Variants in IFT80 observed in about 807,000 individuals in gnomAD.
IFT80 encodes intraflagellar transport 80, also known as intraflagellar transport protein 80 homolog.
A neutral mutation model predicts 107.9 loss-of-function variants in IFT80; 79 were observed. The ratio of observed to expected loss-of-function variants is 0.73; its 90% CI spans 0.61 to 0.88. IFT80 has a LOEUF of 0.88. Among genes scored for constraint, IFT80 ranks in the 40% least tolerant of loss-of-function variants. The pLI, the probability that IFT80 is intolerant of heterozygous loss-of-function variation, is 0.00. For missense variants in IFT80, 797 were observed against 914.2 expected (o/e 0.87, Z 1.65); for synonymous variants, 299 against 300.9 (o/e 0.99, Z 0.07).
chr3:160,312,928 TATATAATATATAATAA>T (rs1717476609), intron 9 of IFT80, among the ~76,000 whole-genome samples: 1 of 43,480 alleles, frequency 2.3e-5, no homozygotes, highest in African/African-American at 1.0e-4. Flanking sequence ...TATATATAAA[TATATAATATATAATAA>T]ATATATATTA....
At chr3:160,333,290 A>G (rs1719216126) in intron 8 of IFT80, among the ~76,000 whole-genome samples, 1 of 152,200 alleles carries the variant, frequency 6.6e-6, no homozygotes, top group Non-Finnish European at 1.5e-5. Context: ...ACTACTGCAT[A>G]CTACTATCAA....
In IFT80 at chr3:160,393,348, G is replaced by A. The variant is rs76060782; in HGVS notation, c.-47+5798C>T. Among the ~76,000 whole-genome samples the A allele has an allele frequency of 5.5e-3, 834 of 152,126 alleles. 7 individuals carry two copies. Among genetic ancestry groups the A allele is most frequent in the African/African-American group, 0.019 (807 of 41,464 alleles). On this transcript the variant is annotated intron_variant, in intron 1 of 19. Transcript: ENST00000326448. ...GATATATGTGTTTATAATATGGAAG[G>A]GTTAAAATCAAGAAAATATAATTAA... is the stretch of plus-strand genomic sequence containing the variant.
At chr3:160,272,804 A>G (rs974237492) in intron 18 of IFT80, among the ~76,000 whole-genome samples, 2 of 152,194 alleles carry the variant, frequency 1.3e-5, no homozygotes, top group Non-Finnish European at 2.9e-5. Context: ...TAGAAATTCA[A>G]TTAAAGGTAA....
intron 8 of IFT80, among the ~76,000 whole-genome samples, chr3:160,349,046 T>G (rs945894994): frequency 1.3e-5 from 2 of 152,148 alleles, no homozygotes; most frequent in African/African-American, 2.4e-5. Flanking sequence ...AAAAAACACT[T>G]TTTTTAATTG....
intron 8 of IFT80, among the ~76,000 whole-genome samples, chr3:160,333,565 T>C (rs1358314484): frequency 6.6e-6 from 1 of 152,212 alleles, no homozygotes; most frequent in African/African-American, 2.4e-5. Context: ...TTAAACTTTC[T>C]TGTTAAAAAC....
intron 5 of IFT80, among the ~76,000 whole-genome samples, chr3:160,370,055 A>T (rs1722125851): frequency 6.6e-6 from 1 of 152,082 alleles, no homozygotes; most frequent in Non-Finnish European, 1.5e-5. Context: ...AGAAGAGGAG[A>T]CAAAAATGTA....
Position 160,341,777 on chromosome 3 carries a change from G to A in IFT80, c.777+14236C>T, listed in dbSNP as rs545390595. Among the ~76,000 whole-genome samples, 11 of 152,278 alleles carry A rather than the reference G, an allele frequency of 7.2e-5. No homozygotes were observed. In the South Asian group the frequency reaches 2.3e-3, roughly 32 times the overall value. On this transcript the variant is annotated intron_variant, in intron 8 of 19. Transcript: ENST00000326448. ...ACCTGGATATACAGACAGAAGCAGA[G>A]ACAAAAGAGACAAAGAGAACAGGTA...
chr3:160,310,885 C>A (rs560055454), intron 9 of IFT80, among the ~76,000 whole-genome samples: 2 of 152,232 alleles, frequency 1.3e-5, no homozygotes, highest in African/African-American at 2.4e-5. Context: ...CCTTTATTCC[C>A]AGCACTTTGG....
In IFT80 at chr3:160,303,951, T is replaced by C. The variant is rs2108271596; in HGVS notation, c.1115A>G (p.Lys372Arg). Residue 372 changes from lysine (K) to arginine (R), a missense_variant, in exon 11 of 20, where the codon AAA (lysine) becomes AGA (arginine). Transcript: ENST00000326448. ...CAGAATCAAACTAACAGTTCCTTCT[T>C]TGAGATCAAATATAATTGGTGTGTT... is the stretch of plus-strand genomic sequence containing the variant. ...NWNTPIIFDLKEGTVSLILQA... is the reference protein window; with the variant it reads ...NWNTPIIFDLREGTVSLILQA... 1 of 1,610,984 alleles carries C rather than the reference T, an allele frequency of 6.2e-7. No homozygotes were observed. Among genetic ancestry groups the C allele is most frequent in the Non-Finnish European group, 8.5e-7 (1 of 1,177,438 alleles).
chr3:160,303,844 G>A, intron 11 of IFT80, 71 bp downstream of exon 11: 1 of 949,684 alleles, frequency 1.1e-6, no homozygotes, highest in Non-Finnish European at 1.7e-6. Flanking sequence ...TTAATTGGAT[G>A]TTTTTATTAA....
intron 8 of IFT80, among the ~76,000 whole-genome samples, chr3:160,351,735 A>G (rs1720723742): frequency 7.1e-6 from 1 of 141,692 alleles, no homozygotes; most frequent in Non-Finnish European, 1.5e-5. Flanking sequence ...TCTAAATGAT[A>G]ACTGTATAAA....
chr3:160,274,256 T>C (rs151128088), intron 18 of IFT80, among the ~76,000 whole-genome samples: 2 of 152,266 alleles, frequency 1.3e-5, no homozygotes, highest in South Asian at 2.1e-4. Context: ...AGAGAATAAA[T>C]TGACTCCATT....
intron 3 of IFT80, among the ~76,000 whole-genome samples, chr3:160,380,449 T>C (rs1236108695): frequency 2.0e-5 from 3 of 152,164 alleles, no homozygotes; most frequent in Non-Finnish European, 4.4e-5. Flanking sequence ...GCCACCGTCA[T>C]ACTCACCATC....
At chr3:160,396,860 G>A (rs750174889) in intron 1 of IFT80, among the ~76,000 whole-genome samples, 2 of 152,062 alleles carry the variant, frequency 1.3e-5, no homozygotes, top group Non-Finnish European at 2.9e-5. Flanking sequence ...TATTCTGAAT[G>A]TCTTATTTTT....
At chr3:160,365,872 T>C (rs1351628891) in intron 6 of IFT80, among the ~76,000 whole-genome samples, 171 bp downstream of exon 6, 2 of 152,034 alleles carry the variant, frequency 1.3e-5, no homozygotes, top group African/African-American at 4.8e-5. Flanking sequence ...AAACAAACCT[T>C]GTTGGAAATA....
At chr3:160,346,098 T>C (rs1253701987) in intron 8 of IFT80, among the ~76,000 whole-genome samples, 5 of 152,166 alleles carry the variant, frequency 3.3e-5, no homozygotes, top group Non-Finnish European at 5.9e-5. Flanking sequence ...AGAACAGTGG[T>C]TACCAGGTGG....
intron 5 of IFT80, among the ~76,000 whole-genome samples, chr3:160,375,348 T>C (rs1445029498): frequency 6.6e-6 from 1 of 152,188 alleles, no homozygotes; most frequent in East Asian, 1.9e-4. Context: ...TCTTAGTGTG[T>C]CTGTTCCCCT....
rs542985826 is a variant in IFT80, at chr3:160,387,401, G to A, written c.-46-2755C>T. 6.6e-5 allele frequency among the ~76,000 whole-genome samples: 10 copies of A among 152,284 alleles called. 1 individual carries two copies. The highest frequency in any genetic ancestry group is 2.4e-4 in the African/African-American group (10 of 41,560). On this transcript the variant is annotated intron_variant, in intron 1 of 19. Transcript: ENST00000326448. ...TGCCTGTAATCCCAGCTACTCAGGA[G>A]GCTGAGGCAGGAGAATAGCTTGAAC...
At chr3:160,268,307 T>C in intron 19 of IFT80, 106 bp downstream of exon 19, 1 of 1,020,436 alleles carries the variant, frequency 9.8e-7, no homozygotes, top group Non-Finnish European at 1.5e-6. Context: ...CTTTTAGAGG[T>C]TAAAAGATTC....
Sources: allele counts gnomAD v4.1 joint callset (sites outside exome capture counted in the v4.1 genomes callset), GRCh38; gene constraint gnomAD v4.1.1; transcripts MANE v1.5; gene names NCBI Gene and HGNC (gene_info 2026-07-23, HGNC 2026-07-21).